The following TANGO6 variants were observed in gnomAD, a reference collection of about 807,000 sequenced individuals.
TANGO6 encodes transport and Golgi organization protein 6 homolog.
A neutral mutation model predicts 114.2 loss-of-function variants in TANGO6; 90 were observed. The ratio of observed to expected loss-of-function variants is 0.79; its 90% confidence interval spans 0.66 to 0.94. The LOEUF is 0.94. Among genes scored for constraint, TANGO6 ranks in the 40% least tolerant of loss-of-function variants. The pLI, the probability that TANGO6 is intolerant of heterozygous loss-of-function variation, is 0.00. For missense variants in TANGO6, 1,274 were observed against 1,315.3 expected, an observed-to-expected ratio of 0.97 and a Z score of 0.49; for synonymous variants, 477 against 509.8, an observed-to-expected ratio of 0.94 and a Z score of 0.87.
chr16:68,952,914 A>G (rs1963484223), intron 14 of TANGO6, among the ~76,000 whole-genome samples: 1 of 152,136 alleles, frequency 6.6e-6, no homozygotes, highest in Non-Finnish European at 1.5e-5. Context: ...TTTGTGTTCA[A>G]CTTTTGTTTT....
intron 7 of TANGO6, among the ~76,000 whole-genome samples, chr16:68,895,031 T>C (rs1340230588): frequency 2.0e-5 from 3 of 152,214 alleles, no homozygotes; most frequent in Non-Finnish European, 4.4e-5. Flanking sequence ...GACTGCTTCT[T>C]TGAGCCTCAG....
At chr16:68,892,494 G>C (rs1303886119) in intron 7 of TANGO6, among the ~76,000 whole-genome samples, 1 of 151,692 alleles carries the variant, frequency 6.6e-6, no homozygotes, top group African/African-American at 2.4e-5. Context: ...CCACGGGTAA[G>C]TGGAGGTTCA....
At chr16:68,855,881 C>CAA (rs749736878) in intron 1 of TANGO6, among the ~76,000 whole-genome samples, 6 of 87,676 alleles carry the variant, frequency 6.8e-5, no homozygotes, top group East Asian at 3.1e-4. Flanking sequence ...GACTCAGTCT[C>CAA]AAAAAAAAAA....
chr16:68,974,741 A>C (rs190129872), intron 15 of TANGO6, among the ~76,000 whole-genome samples: 1 of 152,204 alleles, frequency 6.6e-6, no homozygotes, highest in East Asian at 1.9e-4. Context: ...TGGAGCTGGA[A>C]TTAGAAGTCT....
At chr16:68,894,998 A>C (rs564652591) in intron 7 of TANGO6, among the ~76,000 whole-genome samples, 39 of 152,176 alleles carry the variant, frequency 2.6e-4, no homozygotes, top group African/African-American at 9.2e-4. Context: ...CTTTGCTAAC[A>C]ATGTGTCTTT....
chr16:68,920,681 G>A (rs979628263), intron 12 of TANGO6, among the ~76,000 whole-genome samples: 2 of 152,100 alleles, frequency 1.3e-5, no homozygotes, highest in African/African-American at 4.8e-5. Flanking sequence ...CGATGTATTA[G>A]AATATACCTT....
At chr16:69,007,288 G>GA (rs1262386556) in intron 15 of TANGO6, 1 of 93,140 alleles carries the variant, frequency 1.1e-5, no homozygotes, top group East Asian at 2.7e-4. Flanking sequence ...TTTTTTTTTC[G>GA]AGACTGAGTT....
rs755633976 is a variant in TANGO6 at position 68,867,099 on chromosome 16, A to G, written c.873A>G (p.Thr291=). 6.2e-7 allele frequency: 1 copy of G among 1,613,130 alleles called. No individual in the cohort carries two copies. Among genetic ancestry groups the G allele is most frequent in the East Asian group, 2.2e-5 (1 of 44,820 alleles). Residue 291 remains threonine (T), a synonymous_variant, in exon 4 of 18, where the codon ACA becomes ACG. Transcript: ENST00000261778. The part of the protein sequence containing the change: ...GPPQSCTDVK[T]QMRCRAPAWL... ...CTCAGTCCTGCACAGATGTGAAGAC[A>G]CAGATGAGGTGTCGGGCCCCAGCTT...
At chr16:68,969,662 G>C (rs1365055264) in intron 14 of TANGO6, among the ~76,000 whole-genome samples, 2 of 148,578 alleles carry the variant, frequency 1.3e-5, no homozygotes, top group Non-Finnish European at 3.0e-5. Flanking sequence ...TCCCTAATGA[G>C]TTTAAAGTTT....
chr16:69,035,270 T>C (rs1959668243), intron 16 of TANGO6: 1 of 152,242 alleles, frequency 6.6e-6, no homozygotes, highest in Non-Finnish European at 1.5e-5. Context: ...CATGGCAGGT[T>C]GAGTAAGCCA....
chr16:69,000,473 A>G (rs1273139102), intron 15 of TANGO6, among the ~76,000 whole-genome samples: 1 of 152,246 alleles, frequency 6.6e-6, no homozygotes, highest in African/African-American at 2.4e-5. Flanking sequence ...ACTCATTGAT[A>G]AAGGGAAGAC....
chr16:68,914,051 G>T (rs1389776054), intron 11 of TANGO6, among the ~76,000 whole-genome samples: 1 of 152,212 alleles, frequency 6.6e-6, no homozygotes, highest in Non-Finnish European at 1.5e-5. Context: ...CCACTCAGGT[G>T]TCAGAGTCTT....
chr16:68,910,312 T>C (rs1480628053), intron 11 of TANGO6, among the ~76,000 whole-genome samples: 3 of 152,234 alleles, frequency 2.0e-5, no homozygotes, highest in East Asian at 1.9e-4. Flanking sequence ...ATTATGCTCA[T>C]GATTTCTTTC....
intron 16 of TANGO6, among the ~76,000 whole-genome samples, chr16:69,023,191 T>C (rs1255025644): frequency 6.6e-6 from 1 of 152,014 alleles, no homozygotes; most frequent in Non-Finnish European, 1.5e-5. Context: ...CATGGTGGCT[T>C]GCACCTGTAA....
chr16:68,947,573 A>T (rs1169351553), intron 14 of TANGO6, among the ~76,000 whole-genome samples: 5 of 150,496 alleles, frequency 3.3e-5, no homozygotes, highest in Non-Finnish European at 5.9e-5. Context: ...AAGACTAGAT[A>T]TTATAACCCA....
intron 7 of TANGO6, 193 bp from the exon 8 acceptor site, chr16:68,900,241 G>C: frequency 1.7e-6 from 1 of 584,670 alleles, no homozygotes; most frequent in Non-Finnish European, 3.0e-6. Context: ...CCAGTTCACT[G>C]TCTTGTTTCA....
At chr16:68,918,198 G>A (rs908627221) in intron 11 of TANGO6, among the ~76,000 whole-genome samples, 1 of 152,072 alleles carries the variant, frequency 6.6e-6, no homozygotes, top group East Asian at 1.9e-4. Flanking sequence ...GTGAGCCACC[G>A]TGCTCAACCC....
At position 68,979,448 on chromosome 16, in the gene TANGO6, G is replaced by A. The variant is rs556711044; in HGVS notation, c.2842+5280G>A. 2.0e-5 allele frequency among the ~76,000 whole-genome samples: 3 copies of A among 151,644 alleles called. No homozygotes were observed. In the East Asian group the frequency reaches 5.9e-4, roughly 30 times the overall value. ...TTTCATCATGTTGGCCAGGCTGGTCGCAAGCTCCTGACCTCAGGTGATCCA... is the reference window on the plus strand; with the variant it reads ...TTTCATCATGTTGGCCAGGCTGGTCACAAGCTCCTGACCTCAGGTGATCCA... On this transcript the variant is annotated intron_variant, in intron 15 of 17. Transcript: ENST00000261778.
intron 15 of TANGO6, among the ~76,000 whole-genome samples, chr16:68,985,083 G>C (rs1963877796): frequency 6.6e-6 from 1 of 151,624 alleles, no homozygotes; most frequent in Non-Finnish European, 1.5e-5. Flanking sequence ...ATGTTGCCCA[G>C]GCTGGACTCC....
Sources: allele counts gnomAD v4.1 joint callset (sites outside exome capture counted in the v4.1 genomes callset), GRCh38; gene constraint gnomAD v4.1.1; transcripts MANE v1.5; gene names NCBI Gene and HGNC (gene_info 2026-07-23, HGNC 2026-07-21).